The following MAPKAPK2 variants were observed in gnomAD, a reference collection of about 807,000 sequenced individuals.
MAPKAPK2 encodes MAP kinase-activated protein kinase 2.
MAPKAPK2 carries 9 observed loss-of-function variants against 48.8 expected under a neutral mutation model. The ratio of observed to expected loss-of-function variants is 0.18; its 90% CI spans 0.11 to 0.32. MAPKAPK2 has a LOEUF of 0.32. Ranked by LOEUF, MAPKAPK2 falls within the 10% of genes least tolerant of loss-of-function variation. The pLI is 1.00. For synonymous variants in MAPKAPK2, 202 were observed against 190.6 expected, an observed-to-expected ratio of 1.06 and a Z score of -0.49; for missense variants, 331 against 498.3, an observed-to-expected ratio of 0.66 and a Z score of 3.20.
intron 1 of MAPKAPK2, among the ~76,000 whole-genome samples, chr1:206,714,424 C>A (rs1553429995): frequency 6.6e-6 from 1 of 151,826 alleles, no homozygotes; most frequent in Non-Finnish European, 1.5e-5. Flanking sequence ...TTTCCAGAGG[C>A]AGATGTTGAG....
chr1:206,706,264 C>G (rs1553428540), intron 1 of MAPKAPK2, among the ~76,000 whole-genome samples: 1 of 152,050 alleles, frequency 6.6e-6, no homozygotes, highest in Non-Finnish European at 1.5e-5. Flanking sequence ...TCTCCCATTC[C>G]TTCTTGCCCT....
chr1:206,696,557 A>G (rs975499914), intron 1 of MAPKAPK2, among the ~76,000 whole-genome samples: 2 of 152,182 alleles, frequency 1.3e-5, no homozygotes, highest in Non-Finnish European at 2.9e-5. Context: ...TAAAAAGGTT[A>G]GCCAGCTGTG....
intron 1 of MAPKAPK2, among the ~76,000 whole-genome samples, chr1:206,708,821 C>A (rs1673045452): frequency 6.6e-6 from 1 of 152,182 alleles, no homozygotes; most frequent in Non-Finnish European, 1.5e-5. Flanking sequence ...GATGTTTTCT[C>A]ACTGTAGATT....
intron 2 of MAPKAPK2, 84 bp downstream of exon 2, chr1:206,728,933 T>C (rs902057147): frequency 1.2e-6 from 2 of 1,612,490 alleles, no homozygotes; most frequent in East Asian, 2.2e-5. Flanking sequence ...AGCCCAGGGA[T>C]GGGCCTGAAG....
intron 1 of MAPKAPK2, among the ~76,000 whole-genome samples, chr1:206,705,981 C>T (rs1553428514): frequency 6.6e-6 from 1 of 152,150 alleles, no homozygotes; most frequent in Non-Finnish European, 1.5e-5. Context: ...TGCAGCTTCG[C>T]TGTGAGGCAG....
chr1:206,697,152 T>C (rs1362196618), intron 1 of MAPKAPK2, among the ~76,000 whole-genome samples: 2 of 152,242 alleles, frequency 1.3e-5, no homozygotes, highest in African/African-American at 2.4e-5. Flanking sequence ...ATGACCCTTT[T>C]GCCCTTTGGA....
Position 206,730,685 on chromosome 1 carries a change from C to T in MAPKAPK2, c.692-3C>T, listed in dbSNP as rs782373526. On this transcript the variant is annotated splice_polypyrimidine_tract_variant and splice_region_variant and intron_variant, in intron 5 of 9. Coordinates refer to ENST00000367103, the MANE Select transcript of MAPKAPK2 (RefSeq NM_032960.4). ...CCCACCCATGTTGACCTTTGATTTG[C>T]AGCTCCAGAAGTGCTGGGTCCAGAG... is the stretch of plus-strand genomic sequence containing the variant. The T allele has an allele frequency of 1.9e-6, 3 of 1,613,580 alleles. No individual in the cohort carries two copies. Among genetic ancestry groups the T allele is most frequent in the Admixed American group, 3.3e-5 (2 of 59,968 alleles).
Position 206,731,056 on chromosome 1 carries a change from CCT to C in MAPKAPK2, c.768-81_768-80del, listed in dbSNP as rs1673886728. 1 of 1,551,652 alleles carries C rather than the reference CCT, an allele frequency of 6.4e-7. No individual in the cohort carries two copies. Among genetic ancestry groups the C allele is most frequent in the African/African-American group, 1.4e-5 (1 of 73,870 alleles). Reference sequence around the variant, plus strand: ...TCTGTGACCTTTACAAGGAGAAGAGCCTGTTTCTCATCCTGTTCCTGGTACAG... The same window carrying C: ...TCTGTGACCTTTACAAGGAGAAGAGCGTTTCTCATCCTGTTCCTGGTACAG... On this transcript the variant is annotated intron_variant, in intron 6 of 9. Coordinates refer to ENST00000367103, the MANE Select transcript of MAPKAPK2 (RefSeq NM_032960.4). This position sits in a 1 kb window ranked among gnomAD's most constrained non-coding sequence, Gnocchi z 5.9.
chr1:206,726,343 T>C (rs1440301908), intron 1 of MAPKAPK2, among the ~76,000 whole-genome samples: 5 of 152,216 alleles, frequency 3.3e-5, no homozygotes, highest in African/African-American at 1.2e-4. Flanking sequence ...GCCAAGATTG[T>C]GCCACTGCAC....
At chr1:206,707,475 G>A (rs558055386) in intron 1 of MAPKAPK2, among the ~76,000 whole-genome samples, 1 of 152,246 alleles carries the variant, frequency 6.6e-6, no homozygotes, top group Admixed American at 6.5e-5. Context: ...AGAAAAAAGG[G>A]GCTGGTTGTA....
intron 1 of MAPKAPK2, among the ~76,000 whole-genome samples, chr1:206,690,874 A>G (rs1452579383): frequency 6.6e-6 from 1 of 152,180 alleles, no homozygotes; most frequent in Non-Finnish European, 1.5e-5. Flanking sequence ...GATTCACTCT[A>G]TTCTCCTACC....
intron 1 of MAPKAPK2, among the ~76,000 whole-genome samples, chr1:206,702,644 G>C (rs1672832019): frequency 6.6e-6 from 1 of 152,214 alleles, no homozygotes; most frequent in Non-Finnish European, 1.5e-5. Flanking sequence ...TCCATTCCCG[G>C]TAATGACAGA....
intron 1 of MAPKAPK2, among the ~76,000 whole-genome samples, chr1:206,698,859 G>A (rs1572485022): frequency 6.6e-6 from 1 of 152,158 alleles, no homozygotes; most frequent in Admixed American, 6.6e-5. Context: ...CCAGGTAGAG[G>A]AATAGCAAGT....
chr1:206,694,925 G>A (rs999163073), intron 1 of MAPKAPK2, among the ~76,000 whole-genome samples: 4 of 152,190 alleles, frequency 2.6e-5, no homozygotes, highest in Admixed American at 6.5e-5. Flanking sequence ...GGAAACACTT[G>A]CGCTTGCAGA....
In MAPKAPK2 at chr1:206,697,991, C is replaced by A. The variant is rs530795444; in HGVS notation, c.279+12483C>A. ...CTCCTGCACCGAAAGCCTTTCATCACTGTTGTTGCATCCGCACTGCTGGGA... is the reference window on the plus strand; with the variant it reads ...CTCCTGCACCGAAAGCCTTTCATCAATGTTGTTGCATCCGCACTGCTGGGA... On this transcript the variant is annotated intron_variant, in intron 1 of 9. Transcript: ENST00000367103. Among the ~76,000 whole-genome samples, 4 of 152,370 alleles carry A rather than the reference C, an allele frequency of 2.6e-5. No individual in the cohort carries two copies. The South Asian group carries it at 6.2e-4, about 24-fold the overall frequency.
intron 1 of MAPKAPK2, among the ~76,000 whole-genome samples, chr1:206,693,378 G>A (rs1553426544): frequency 6.6e-6 from 1 of 151,988 alleles, no homozygotes. Flanking sequence ...TCCAGCCTGA[G>A]CTTGGTAGGT....
chr1:206,714,764 C>CAA (rs373824626), intron 1 of MAPKAPK2, among the ~76,000 whole-genome samples: 24,556 of 115,662 alleles, frequency 0.21, 2,562 homozygotes, highest in South Asian at 0.31. Flanking sequence ...AACTCGGTCA[C>CAA]AAAAAAAAAA....
chr1:206,726,092 A>C (rs1673693437), intron 1 of MAPKAPK2, among the ~76,000 whole-genome samples: 1 of 152,214 alleles, frequency 6.6e-6, no homozygotes. Context: ...CATCCAAATG[A>C]ATGAAGTTGA....
chr1:206,718,189 A>C (rs1673394946), intron 1 of MAPKAPK2, among the ~76,000 whole-genome samples: 1 of 152,244 alleles, frequency 6.6e-6, no homozygotes, highest in Non-Finnish European at 1.5e-5. Context: ...GTCTTTATGA[A>C]TATACTTTAA....
Sources: gnomAD v4.1 joint callset for allele counts (sites outside exome capture counted in the v4.1 genomes callset) on GRCh38, gnomAD v4.1.1 for gene constraint, Gnocchi (gnomAD v3.1) non-coding constraint, MANE v1.5 for transcripts, NCBI Gene and HGNC (gene_info 2026-07-23, HGNC 2026-07-21) for gene names.